The following C1QTNF3 variants were observed in gnomAD, a reference collection of about 807,000 sequenced individuals.
C1QTNF3 encodes the protein complement C1q tumor necrosis factor-related protein 3.
Under a neutral mutation model 32.6 loss-of-function variants are expected in C1QTNF3, and 26 were observed. That is an observed-to-expected ratio of 0.80 (90% CI 0.58 to 1.11). The LOEUF is 1.11. Among genes scored for constraint, C1QTNF3 ranks in the 50% least tolerant of loss-of-function variants. The probability of loss-of-function intolerance (pLI) is 0.00; values close to 1 mark genes in which losing one functional copy is unlikely to be tolerated. For missense variants in C1QTNF3, 362 were observed against 398.2 expected (o/e 0.91, Z 0.77); for synonymous variants, 155 against 146.0 (o/e 1.06, Z -0.44).
the C1QTNF3 span, among the ~76,000 whole-genome samples, chr5:34,056,490 A>C: frequency 1.3e-5 from 1 of 76,252 alleles, no homozygotes; most frequent in Non-Finnish European, 2.8e-5. Context: ...AGAGAGAGAG[A>C]GAGAGAGAGA....
the C1QTNF3 span, among the ~76,000 whole-genome samples, chr5:34,065,736 C>T: frequency 5.9e-5 from 9 of 152,076 alleles, no homozygotes; most frequent in South Asian, 2.1e-4. Flanking sequence ...TATACACCGT[C>T]GTTGGGAATG....
At chr5:34,023,427 A>G (rs530565422) in intron 5 of C1QTNF3, among the ~76,000 whole-genome samples, 4 of 152,356 alleles carry the variant, frequency 2.6e-5, no homozygotes, top group Admixed American at 6.5e-5. Flanking sequence ...GGAAGGCTCC[A>G]GAAGTAAACA....
the C1QTNF3 span, among the ~76,000 whole-genome samples, chr5:34,103,281 T>C: frequency 6.6e-6 from 1 of 152,072 alleles, no homozygotes; most frequent in Non-Finnish European, 1.5e-5. Flanking sequence ...TATTTGTGTG[T>C]GTTTTTTTTT....
At chr5:34,085,217 G>A in the C1QTNF3 span, among the ~76,000 whole-genome samples, 1 of 149,176 alleles carries the variant, frequency 6.7e-6, no homozygotes, top group Non-Finnish European at 1.5e-5. Flanking sequence ...GGATGGTCTC[G>A]ATCTCCTGAT....
At chr5:34,058,504 G>T in the C1QTNF3 span, among the ~76,000 whole-genome samples, 1 of 152,234 alleles carries the variant, frequency 6.6e-6, no homozygotes, top group Non-Finnish European at 1.5e-5. Context: ...AGACCCCCAG[G>T]GGTCCCAGAG....
At chr5:34,219,644 A>AACTATTTTT in the C1QTNF3 span, among the ~76,000 whole-genome samples, 1 of 152,092 alleles carries the variant, frequency 6.6e-6, no homozygotes, top group Non-Finnish European at 1.5e-5. Context: ...TTTACATCCA[A>AACTATTTTT]AGAAGGTAAA....
At chr5:34,220,713 T>C in the C1QTNF3 span, among the ~76,000 whole-genome samples, 1 of 152,116 alleles carries the variant, frequency 6.6e-6, no homozygotes, top group Non-Finnish European at 1.5e-5. Flanking sequence ...TAAATATATA[T>C]GATGTTGTTA....
the C1QTNF3 span, among the ~76,000 whole-genome samples, chr5:34,220,349 CTATT>C: frequency 6.6e-6 from 1 of 152,010 alleles, no homozygotes; most frequent in Non-Finnish European, 1.5e-5. Flanking sequence ...TATTGTAAGA[CTATT>C]TATACTCAAA....
the C1QTNF3 span, among the ~76,000 whole-genome samples, chr5:34,223,655 A>G: frequency 6.6e-6 from 1 of 151,766 alleles, no homozygotes; most frequent in Non-Finnish European, 1.5e-5. Flanking sequence ...AAGTGTTCCT[A>G]TTTCTCCACA....
At chr5:34,036,674 G>A (rs1446742026) in intron 1 of C1QTNF3, among the ~76,000 whole-genome samples, 5 of 152,192 alleles carry the variant, frequency 3.3e-5, no homozygotes, top group Admixed American at 3.3e-4. Context: ...TGATTGGGCT[G>A]AGCATGGTGG....
At chr5:34,065,013 G>A in the C1QTNF3 span, among the ~76,000 whole-genome samples, 1 of 151,980 alleles carries the variant, frequency 6.6e-6, no homozygotes, top group African/African-American at 2.4e-5. Flanking sequence ...GTCTCCAAAA[G>A]CAATTGCAAC....
the C1QTNF3 span, among the ~76,000 whole-genome samples, chr5:34,183,117 T>A: frequency 6.6e-6 from 1 of 152,160 alleles, no homozygotes; most frequent in South Asian, 2.1e-4. Flanking sequence ...TAGCTGGGAT[T>A]ACAGGCACCT....
the C1QTNF3 span, among the ~76,000 whole-genome samples, chr5:34,142,028 C>G: frequency 6.6e-6 from 1 of 152,116 alleles, no homozygotes; most frequent in Non-Finnish European, 1.5e-5. Context: ...TGGGGTGGCA[C>G]AGGAACTGGT....
chr5:34,043,506 T>C (rs1012472277), upstream of C1QTNF3: 4 of 193,820 alleles, frequency 2.1e-5, no homozygotes, highest in Non-Finnish European at 3.2e-5. Flanking sequence ...GGCTGTGTAT[T>C]TGCAGTCTAA....
the C1QTNF3 span, among the ~76,000 whole-genome samples, chr5:34,094,350 ATTAT>A: frequency 6.6e-6 from 1 of 152,016 alleles, no homozygotes; most frequent in African/African-American, 2.4e-5. Context: ...CTTCATGTGA[ATTAT>A]TTAGCACCTG....
chr5:34,195,234 A>T, the C1QTNF3 span, among the ~76,000 whole-genome samples: 1 of 152,274 alleles, frequency 6.6e-6, no homozygotes, highest in Admixed American at 6.5e-5. Flanking sequence ...ATGTGTCCAT[A>T]AAAATTTAAT....
At chr5:34,026,985 C>A (rs1754477560) in intron 4 of C1QTNF3, among the ~76,000 whole-genome samples, 1 of 152,136 alleles carries the variant, frequency 6.6e-6, no homozygotes, top group African/African-American at 2.4e-5. Context: ...ATCAGAAAAA[C>A]CTGGTGAGAT....
At chr5:34,223,989 CA>C in the C1QTNF3 span, among the ~76,000 whole-genome samples, 1 of 152,084 alleles carries the variant, frequency 6.6e-6, no homozygotes, top group Non-Finnish European at 1.5e-5. Flanking sequence ...AAATCACACG[CA>C]TTTGTATACA....
the C1QTNF3 span, among the ~76,000 whole-genome samples, chr5:34,173,963 C>T: frequency 6.6e-6 from 1 of 152,200 alleles, no homozygotes; most frequent in African/African-American, 2.4e-5. Flanking sequence ...ATGGGAAATG[C>T]TTGGTGGCTC....
Sources: gnomAD v4.1 joint callset for allele counts (sites outside exome capture counted in the v4.1 genomes callset) on GRCh38, gnomAD v4.1.1 for gene constraint, MANE v1.5 for transcripts, NCBI Gene and HGNC (gene_info 2026-07-23, HGNC 2026-07-21) for gene names.